AUTS2: variants seen among roughly 807,000 people sequenced by gnomAD.
AUTS2 encodes the protein autism susceptibility gene 2 protein.
In AUTS2, 17 loss-of-function variants were observed where a neutral mutation model predicts 112.4. The ratio of observed to expected loss-of-function variants is 0.15; its 90% CI spans 0.10 to 0.23. AUTS2 has a LOEUF of 0.23. Ranked by LOEUF, AUTS2 falls within the 10% of genes least tolerant of loss-of-function variation. AUTS2 has a pLI of 1.00. For synonymous variants in AUTS2, 751 were observed against 702.7 expected, an observed-to-expected ratio of 1.07 and a Z score of -1.09; for missense variants, 1,510 against 1,701.6, an observed-to-expected ratio of 0.89 and a Z score of 1.98.
chr7:70,684,759 C>T (rs1022027617), intron 5 of AUTS2, among the ~76,000 whole-genome samples: 2 of 152,060 alleles, frequency 1.3e-5, no homozygotes, highest in African/African-American at 4.8e-5. Flanking sequence ...ATGCTATAAT[C>T]CTCATTCCTT....
At chr7:69,833,294 A>C (rs1287449059) in intron 1 of AUTS2, among the ~76,000 whole-genome samples, 1 of 152,186 alleles carries the variant, frequency 6.6e-6, no homozygotes, top group Admixed American at 6.5e-5. Flanking sequence ...GCAGGTATGA[A>C]AATGAGCTCC....
chr7:70,411,318 C>T (rs1007144680), intron 4 of AUTS2, among the ~76,000 whole-genome samples: 6 of 152,106 alleles, frequency 3.9e-5, no homozygotes, highest in African/African-American at 9.7e-5. Flanking sequence ...TCAGGCCAAC[C>T]GGCTCATTTC....
intron 5 of AUTS2, among the ~76,000 whole-genome samples, chr7:70,675,075 A>G (rs1161204728): frequency 6.8e-6 from 1 of 147,836 alleles, no homozygotes; most frequent in Non-Finnish European, 1.5e-5. Context: ...CCTGTGCTCC[A>G]GAAGTATTTC....
chr7:70,229,675 CT>C (rs1273098263), intron 4 of AUTS2, among the ~76,000 whole-genome samples: 1 of 152,036 alleles, frequency 6.6e-6, no homozygotes, highest in Non-Finnish European at 1.5e-5. Flanking sequence ...TTTTTCTCCT[CT>C]TCTTGGAATC....
At chr7:70,388,682 G>A (rs550193992) in intron 4 of AUTS2, among the ~76,000 whole-genome samples, 1 of 152,094 alleles carries the variant, frequency 6.6e-6, no homozygotes, top group Non-Finnish European at 1.5e-5. Flanking sequence ...CTTATTTTAG[G>A]TTAGAAAGAG....
chr7:69,886,763 TTGTGTG>T (rs3220664), intron 1 of AUTS2, among the ~76,000 whole-genome samples: 4,661 of 129,820 alleles, frequency 0.036, 97 homozygotes, highest in Middle Eastern at 0.065. Flanking sequence ...TTTGACTTCT[TTGTGTG>T]TGTGTGTGTG....
chr7:70,711,965 C>G (rs778464357), intron 6 of AUTS2, among the ~76,000 whole-genome samples: 3 of 152,154 alleles, frequency 2.0e-5, no homozygotes, highest in Non-Finnish European at 4.4e-5. Context: ...GAAATACAAC[C>G]CAACATGCTT....
chr7:70,081,892 A>C (rs1208533230), intron 2 of AUTS2, among the ~76,000 whole-genome samples: 1 of 152,030 alleles, frequency 6.6e-6, no homozygotes, highest in Non-Finnish European at 1.5e-5. Context: ...GCCAGTTAAC[A>C]TTAACTTTTA....
rs140768236 is a variant in AUTS2 at position 69,918,792 on chromosome 7, G to A, written c.522+19294G>A. On this transcript the variant is annotated intron_variant, in intron 2 of 18. Coordinates refer to ENST00000342771, the MANE Select transcript of AUTS2 (RefSeq NM_015570.4). ...ATAATCATAATGATTGTAGGAAACA[G>A]CGCTTAGAGCTGGGATCCTAGGATT... 2.6e-5 allele frequency among the ~76,000 whole-genome samples: 4 copies of A among 152,326 alleles called. No individual in the cohort carries two copies. The East Asian group carries it at 7.7e-4, about 29-fold the overall frequency.
intron 5 of AUTS2, among the ~76,000 whole-genome samples, chr7:70,546,993 T>C (rs901849056): frequency 1.2e-4 from 18 of 152,232 alleles, no homozygotes; most frequent in Admixed American, 1.1e-3. Context: ...TTTTAACAAC[T>C]TTATTCAAAT....
intron 1 of AUTS2, among the ~76,000 whole-genome samples, chr7:69,779,841 C>T (rs904182083): frequency 6.6e-6 from 1 of 151,302 alleles, no homozygotes. Flanking sequence ...TCATAGCTAC[C>T]TGTGACTTAT....
At chr7:70,495,297 A>G (rs1034330538) in intron 5 of AUTS2, among the ~76,000 whole-genome samples, 2 of 151,110 alleles carry the variant, frequency 1.3e-5, no homozygotes, top group African/African-American at 4.9e-5. Flanking sequence ...TACTTAAACT[A>G]GGGACCAGAT....
chr7:69,614,815 T>C (rs1793278182), intron 1 of AUTS2, among the ~76,000 whole-genome samples: 1 of 152,192 alleles, frequency 6.6e-6, no homozygotes, highest in Non-Finnish European at 1.5e-5. Context: ...TGGCAGTTTC[T>C]TCTTGGAATC....
chr7:69,845,951 A>C (rs1206334402), intron 1 of AUTS2, among the ~76,000 whole-genome samples: 2 of 152,146 alleles, frequency 1.3e-5, no homozygotes, highest in African/African-American at 4.8e-5. Context: ...AACAATAATG[A>C]TACACAGTTC....
chr7:70,010,440 C>T (rs757717154), intron 2 of AUTS2, among the ~76,000 whole-genome samples: 20 of 152,190 alleles, frequency 1.3e-4, no homozygotes, highest in Non-Finnish European at 2.2e-4. Context: ...GGCACTACGC[C>T]TGGCTGAGGA....
chr7:70,495,894 T>A (rs1798457155), intron 5 of AUTS2, among the ~76,000 whole-genome samples: 2 of 121,396 alleles, frequency 1.6e-5, no homozygotes, highest in Non-Finnish European at 3.3e-5. Context: ...CACATCAGCG[T>A]CGATCACACA....
chr7:69,933,955 T>C (rs2129544209), intron 2 of AUTS2, among the ~76,000 whole-genome samples: 1 of 152,344 alleles, frequency 6.6e-6, no homozygotes, highest in East Asian at 1.9e-4. Context: ...TGCTTGAACA[T>C]GTAATGGATA....
rs397965078 is a variant in AUTS2 at position 69,879,309 on chromosome 7, A to AT, written c.310-19967dup. ...CAGGCATGTGCCACCATGCCCGGCTATTTTTTTTTTCTTTTTTTTTTGTAG... is the reference window on the plus strand; with the variant it reads ...CAGGCATGTGCCACCATGCCCGGCTATTTTTTTTTTTCTTTTTTTTTTGTAG... On this transcript the variant is annotated intron_variant, in intron 1 of 18. Coordinates refer to ENST00000342771, the MANE Select transcript of AUTS2 (RefSeq NM_015570.4). 9.3e-3 allele frequency among the ~76,000 whole-genome samples: 1,240 copies of AT among 133,660 alleles called. 21 individuals carry two copies. The highest frequency in any genetic ancestry group is 0.034 in the African/African-American group (1,150 of 33,904). 87.7% of individuals were successfully genotyped at this position (133,660 alleles called of 152,430 possible). A position where few individuals can be genotyped will look rare whatever the true frequency, so the allele number is the denominator to read the frequency against.
chr7:70,496,548 TCAGA>T (rs775462719), intron 5 of AUTS2, among the ~76,000 whole-genome samples: 5 of 26,004 alleles, frequency 1.9e-4, no homozygotes, highest in Admixed American at 4.2e-4. Context: ...ACGTACACAG[TCAGA>T]CACACACACA....
Sources: allele counts gnomAD v4.1 joint callset (sites outside exome capture counted in the v4.1 genomes callset), GRCh38; gene constraint gnomAD v4.1.1; transcripts MANE v1.5; gene names NCBI Gene and HGNC (gene_info 2026-07-23, HGNC 2026-07-21).